STXBP6: variants seen among roughly 807,000 people sequenced by gnomAD.
STXBP6 encodes syntaxin-binding protein 6.
In STXBP6, 21 loss-of-function variants were observed where a neutral mutation model predicts 26.9. The observed-to-expected ratio is 0.78, with a 90% CI of 0.55 to 1.12. The LOEUF (loss-of-function observed/expected upper bound fraction) is 1.12. Among genes scored for constraint, STXBP6 ranks in the 50% most tolerant of loss-of-function variants. The probability of loss-of-function intolerance (pLI) is 0.00; values close to 1 mark genes in which losing one functional copy is unlikely to be tolerated. For synonymous variants in STXBP6, 97 were observed against 92.6 expected, an observed-to-expected ratio of 1.05 and a Z score of -0.27; for missense variants, 232 against 257.9, an observed-to-expected ratio of 0.90 and a Z score of 0.69.
At chr14:24,916,202 T>G (rs970567316) in intron 2 of STXBP6, among the ~76,000 whole-genome samples, 2 of 152,134 alleles carry the variant, frequency 1.3e-5, no homozygotes, top group Non-Finnish European at 2.9e-5. Flanking sequence ...CTGGTGGTAT[T>G]TGCCTAAATT....
intron 5 of STXBP6, among the ~76,000 whole-genome samples, chr14:24,813,754 T>A (rs1472002555): frequency 6.6e-6 from 1 of 152,236 alleles, no homozygotes; most frequent in Non-Finnish European, 1.5e-5. Flanking sequence ...CACCCAGTGG[T>A]GCTCTGCATC....
chr14:25,044,795 G>A (rs944128540), intron 1 of STXBP6, among the ~76,000 whole-genome samples: 2 of 152,132 alleles, frequency 1.3e-5, no homozygotes, highest in African/African-American at 4.8e-5. Context: ...ACTGTGCTGG[G>A]CACAATCCAT....
intron 1 of STXBP6, among the ~76,000 whole-genome samples, chr14:25,003,670 G>A (rs776779508): frequency 1.3e-5 from 2 of 151,956 alleles, no homozygotes; most frequent in Non-Finnish European, 2.9e-5. Context: ...CATGCCCACT[G>A]TAAGTACCTT....
chr14:24,925,731 T>C (rs1464632887), intron 2 of STXBP6, among the ~76,000 whole-genome samples: 1 of 152,176 alleles, frequency 6.6e-6, no homozygotes, highest in Non-Finnish European at 1.5e-5. Context: ...TAGTTGACTT[T>C]GGAATAAGCT....
chr14:25,044,650 C>CT (rs1243928482), intron 1 of STXBP6, among the ~76,000 whole-genome samples: 5 of 152,180 alleles, frequency 3.3e-5, no homozygotes, highest in African/African-American at 7.2e-5. Context: ...GGATATTACT[C>CT]TGTTGCCCAG....
chr14:24,956,668 C>T (rs1333979354), intron 2 of STXBP6, among the ~76,000 whole-genome samples: 6 of 152,044 alleles, frequency 3.9e-5, no homozygotes, highest in Non-Finnish European at 7.4e-5. Flanking sequence ...ACTGACAGCA[C>T]GTCAGCTTAA....
In STXBP6 at chr14:24,820,221, T is replaced by C. The variant is rs527575810; in HGVS notation, c.452-1027A>G. 3.3e-5 allele frequency among the ~76,000 whole-genome samples: 5 copies of C among 152,342 alleles called. No homozygotes were observed. The East Asian group carries it at 9.6e-4, about 29-fold the overall frequency. ...AAGTTTATTACATCATTTAACTTTG[T>C]ACCTGGGATGGATACATCTAGCCAC... is the stretch of plus-strand genomic sequence containing the variant. On this transcript the variant is annotated intron_variant, in intron 4 of 5. Coordinates refer to ENST00000323944, the MANE Select transcript of STXBP6 (RefSeq NM_001394410.1).
intron 2 of STXBP6, among the ~76,000 whole-genome samples, chr14:24,949,946 C>T (rs1457687528): frequency 6.6e-6 from 1 of 152,148 alleles, no homozygotes. Flanking sequence ...ACATCACTTT[C>T]CCTTTTTCTT....
At chr14:24,897,352 G>A (rs550374488) in intron 2 of STXBP6, among the ~76,000 whole-genome samples, 17 of 143,884 alleles carry the variant, frequency 1.2e-4, no homozygotes, top group African/African-American at 4.5e-4. Flanking sequence ...GGAGTTTGCA[G>A]TGAGCCAAGA....
intron 2 of STXBP6, among the ~76,000 whole-genome samples, chr14:24,910,068 AG>A (rs1054621612): frequency 1.3e-5 from 2 of 151,960 alleles, no homozygotes; most frequent in East Asian, 3.9e-4. Context: ...CACTTGTCCC[AG>A]GTCACCGCAC....
intron 1 of STXBP6, among the ~76,000 whole-genome samples, chr14:25,027,519 G>A (rs2075370894): frequency 6.6e-6 from 1 of 152,096 alleles, no homozygotes; most frequent in South Asian, 2.1e-4. Flanking sequence ...ATCAATAAAT[G>A]TATGTATTCT....
chr14:24,955,557 GAAC>G, intron 2 of STXBP6, among the ~76,000 whole-genome samples: 1 of 152,188 alleles, frequency 6.6e-6, no homozygotes, highest in Non-Finnish European at 1.5e-5. Context: ...ATTGCAGGGT[GAAC>G]CCATTAATCA....
At chr14:24,944,935 T>C (rs2072928843) in intron 2 of STXBP6, among the ~76,000 whole-genome samples, 1 of 152,008 alleles carries the variant, frequency 6.6e-6, no homozygotes, top group Non-Finnish European at 1.5e-5. Context: ...ATCTCAGAGA[T>C]TCTACTCGCT....
intron 2 of STXBP6, among the ~76,000 whole-genome samples, chr14:24,961,781 C>T (rs959883018): frequency 2.0e-5 from 3 of 150,684 alleles, no homozygotes; most frequent in South Asian, 2.1e-4. Context: ...GCACGTGTAC[C>T]CTGTAAATCT....
Position 25,049,797 on chromosome 14 carries a change from C to T in STXBP6, c.-33+81G>A. 2 of 985,808 alleles carry T rather than the reference C, an allele frequency of 2.0e-6. No individual in the cohort carries two copies. Among genetic ancestry groups the T allele is most frequent in the African/African-American group, 1.7e-5 (1 of 57,384 alleles). The allele number at this position is 985,808 out of a possible 1,614,324, so 61.1% of individuals were successfully genotyped here. On this transcript the variant is annotated intron_variant, in intron 1 of 5. Coordinates refer to ENST00000323944, the MANE Select transcript of STXBP6 (RefSeq NM_001394410.1). This position sits in a 1 kb window ranked among gnomAD's most constrained non-coding sequence, Gnocchi z 5.6. ...GCCTCGGACGGAGCGCCAGGCGCCC[C>T]AACAGCCGTGGCGGCTGCAACCGCA...
chr14:24,888,711 G>A (rs542123778), intron 2 of STXBP6, among the ~76,000 whole-genome samples: 7 of 146,116 alleles, frequency 4.8e-5, no homozygotes, highest in Admixed American at 1.4e-4. Flanking sequence ...GACAGAGCTA[G>A]ACTCCGTCTC....
intron 4 of STXBP6, among the ~76,000 whole-genome samples, chr14:24,846,148 G>A (rs2068952882): frequency 6.6e-6 from 1 of 152,092 alleles, no homozygotes; most frequent in African/African-American, 2.4e-5. Flanking sequence ...ACTAACTCCT[G>A]AAAACCAAGC....
chr14:25,005,884 A>T (rs909114741), intron 1 of STXBP6, among the ~76,000 whole-genome samples: 1 of 152,170 alleles, frequency 6.6e-6, no homozygotes, highest in Non-Finnish European at 1.5e-5. Context: ...ATTTTGGACA[A>T]TCGCACAGAG....
At chr14:24,826,861 T>C (rs2068300654) in intron 4 of STXBP6, among the ~76,000 whole-genome samples, 1 of 152,200 alleles carries the variant, frequency 6.6e-6, no homozygotes, top group Non-Finnish European at 1.5e-5. Flanking sequence ...TTACTTAATC[T>C]CTATGAGCCT....
Sources: gnomAD v4.1 joint callset for allele counts (sites outside exome capture counted in the v4.1 genomes callset) on GRCh38, gnomAD v4.1.1 for gene constraint, Gnocchi (gnomAD v3.1) non-coding constraint, MANE v1.5 for transcripts, NCBI Gene and HGNC (gene_info 2026-07-23, HGNC 2026-07-21) for gene names.